Variants in CADM2 observed in about 807,000 individuals in gnomAD.
CADM2 encodes the protein immunoglobulin superfamily member 4D.
CADM2 carries 12 observed loss-of-function variants against 49.8 expected under a neutral mutation model. The ratio of observed to expected loss-of-function variants is 0.24; its 90% CI spans 0.15 to 0.39. The LOEUF is 0.39. Among genes scored for constraint, CADM2 ranks in the 10% least tolerant of loss-of-function variants. The probability of loss-of-function intolerance (pLI) is 1.00; values close to 1 mark genes in which losing one functional copy is unlikely to be tolerated. For missense variants in CADM2, 378 were observed against 492.3 expected, an observed-to-expected ratio of 0.77 and a Z score of 2.20; for synonymous variants, 214 against 175.4, an observed-to-expected ratio of 1.22 and a Z score of -1.74.
chr3:85,658,915 A>G (rs2065307210), intron 1 of CADM2, among the ~76,000 whole-genome samples: 1 of 151,032 alleles, frequency 6.6e-6, no homozygotes, highest in African/African-American at 2.4e-5. Context: ...AGCCAGGCAC[A>G]GTGGTGTGCA....
At chr3:85,666,665 G>A (rs1290082726) in intron 1 of CADM2, among the ~76,000 whole-genome samples, 4 of 151,276 alleles carry the variant, frequency 2.6e-5, no homozygotes, top group African/African-American at 9.7e-5. Flanking sequence ...AGAGAGGCCT[G>A]TTTGTTCAGA....
intron 8 of CADM2, among the ~76,000 whole-genome samples, chr3:86,011,243 A>G (rs79613353): frequency 0.029 from 4,484 of 152,220 alleles, 124 homozygotes; most frequent in African/African-American, 0.067. Flanking sequence ...TAAATGAAAT[A>G]CTAGCAAATA....
At chr3:85,984,948 G>GA (rs950113951) in intron 8 of CADM2, among the ~76,000 whole-genome samples, 34 of 151,388 alleles carry the variant, frequency 2.2e-4, no homozygotes, top group Middle Eastern at 6.8e-3. Flanking sequence ...CGGCACACAG[G>GA]AAAAAAAAGG....
intron 1 of CADM2, among the ~76,000 whole-genome samples, chr3:85,196,108 T>G (rs2041337792): frequency 6.6e-6 from 1 of 152,014 alleles, no homozygotes. Context: ...TTAGTGATTT[T>G]CAATTGTTGA....
At chr3:85,296,770 C>G (rs1035043514) in intron 1 of CADM2, among the ~76,000 whole-genome samples, 2 of 152,026 alleles carry the variant, frequency 1.3e-5, no homozygotes, top group African/African-American at 4.8e-5. Context: ...ACTTTCTACT[C>G]CTATGCCTTG....
intron 3 of CADM2, among the ~76,000 whole-genome samples, chr3:85,879,327 A>G (rs1712388381): frequency 6.6e-6 from 1 of 152,098 alleles, no homozygotes; most frequent in South Asian, 2.1e-4. Flanking sequence ...ATATAAATCA[A>G]TTCTAAAAAT....
rs191606022 is a variant in CADM2, at chr3:85,521,748, G to C, written c.62-204774G>C. 1.6e-4 allele frequency among the ~76,000 whole-genome samples: 24 copies of C among 152,226 alleles called. No homozygotes were observed. In the East Asian group the frequency reaches 2.5e-3, roughly 16 times the overall value. On this transcript the variant is annotated intron_variant, in intron 1 of 9. Coordinates refer to ENST00000383699, the MANE Select transcript of CADM2 (RefSeq NM_001167675.2). Reference sequence around the variant, plus strand: ...TATTGAATTCGTTCACATTTGACGGGTGAGGGAATTGTGGCAGAGAATTTA... The same window carrying C: ...TATTGAATTCGTTCACATTTGACGGCTGAGGGAATTGTGGCAGAGAATTTA...
chr3:85,974,897 GA>G (rs1726587010), intron 8 of CADM2, among the ~76,000 whole-genome samples: 1 of 151,596 alleles, frequency 6.6e-6, no homozygotes, highest in East Asian at 2.0e-4. Context: ...TAAGTGAAAT[GA>G]AAAGTATAAT....
intron 1 of CADM2, among the ~76,000 whole-genome samples, chr3:85,657,101 C>G (rs768448879): frequency 1.3e-5 from 2 of 152,290 alleles, no homozygotes; most frequent in South Asian, 4.1e-4. Context: ...ATCTCCTCTA[C>G]GAGGGCTTTT....
At chr3:85,192,699 G>A (rs893596046) in intron 1 of CADM2, among the ~76,000 whole-genome samples, 2 of 151,788 alleles carry the variant, frequency 1.3e-5, no homozygotes, top group African/African-American at 2.4e-5. Flanking sequence ...AGATTTGTGC[G>A]GGAGGTGGGA....
At chr3:85,792,401 A>G (rs2071389134) in intron 2 of CADM2, among the ~76,000 whole-genome samples, 1 of 152,206 alleles carries the variant, frequency 6.6e-6, no homozygotes, top group Non-Finnish European at 1.5e-5. Context: ...GTTCCTCTTC[A>G]CTGTTTTAAA....
intron 1 of CADM2, among the ~76,000 whole-genome samples, chr3:85,282,720 T>C (rs1453343539): frequency 6.6e-6 from 1 of 152,152 alleles, no homozygotes; most frequent in African/African-American, 2.4e-5. Context: ...AGAATATTTG[T>C]TTTTATTTCA....
At chr3:85,664,201 T>A (rs1041345789) in intron 1 of CADM2, among the ~76,000 whole-genome samples, 2 of 151,944 alleles carry the variant, frequency 1.3e-5, no homozygotes, top group African/African-American at 4.8e-5. Flanking sequence ...AATGTTTAGT[T>A]CCATGCTTTT....
intron 1 of CADM2, among the ~76,000 whole-genome samples, chr3:85,490,122 A>G (rs2039610674): frequency 6.6e-6 from 1 of 152,096 alleles, no homozygotes; most frequent in African/African-American, 2.4e-5. Flanking sequence ...TGCTTTTTAC[A>G]AGACTCTTCT....
chr3:85,384,026 TAATTTGCAAATATTCA>T (rs2034062475), intron 1 of CADM2, among the ~76,000 whole-genome samples: 1 of 152,200 alleles, frequency 6.6e-6, no homozygotes, highest in Non-Finnish European at 1.5e-5. Context: ...CTGGATTAAA[TAATTTGCAAATATTCA>T]AATTTGCCAG....
chr3:85,808,844 A>T (rs982392038), intron 3 of CADM2, among the ~76,000 whole-genome samples: 2 of 152,168 alleles, frequency 1.3e-5, no homozygotes, highest in Non-Finnish European at 2.9e-5. Context: ...ACTGGGAACA[A>T]TGGAAGAGGA....
intron 1 of CADM2, among the ~76,000 whole-genome samples, chr3:85,024,012 G>T (rs184900621): frequency 9.9e-5 from 15 of 152,138 alleles, no homozygotes; most frequent in Admixed American, 9.2e-4. Context: ...ATCTTTCTTA[G>T]ATATTGTGGG....
chr3:85,570,904 G>C (rs570054751), intron 1 of CADM2, among the ~76,000 whole-genome samples: 1 of 152,102 alleles, frequency 6.6e-6, no homozygotes, highest in Non-Finnish European at 1.5e-5. Flanking sequence ...AGTAAGAACC[G>C]CTGCTCAGAA....
chr3:85,732,094 C>CA (rs3044020), intron 2 of CADM2, among the ~76,000 whole-genome samples: 9,945 of 90,728 alleles, frequency 0.11, 1,004 homozygotes, highest in African/African-American at 0.26. Flanking sequence ...CTAAGAATAC[C>CA]AAAAAAAAAA....
Sources: gnomAD v4.1 joint callset for allele counts (sites outside exome capture counted in the v4.1 genomes callset) on GRCh38, gnomAD v4.1.1 for gene constraint, MANE v1.5 for transcripts, NCBI Gene and HGNC (gene_info 2026-07-23, HGNC 2026-07-21) for gene names.